Variants in RBFOX1 observed in about 807,000 individuals in gnomAD.
RBFOX1 encodes RNA binding fox-1 homolog 1.
Under a neutral mutation model 57.7 loss-of-function variants are expected in RBFOX1, and 8 were observed. That is an observed-to-expected ratio of 0.14 (90% confidence interval 0.08 to 0.25). The LOEUF is 0.25. Among genes scored for constraint, RBFOX1 ranks in the 10% least tolerant of loss-of-function variants. RBFOX1 has a pLI of 1.00. For synonymous variants in RBFOX1, 326 were observed against 222.4 expected, an observed-to-expected ratio of 1.47 and a Z score of -4.15; for missense variants, 611 against 548.5, an observed-to-expected ratio of 1.11 and a Z score of -1.14.
intron 5 of RBFOX1, among the ~76,000 whole-genome samples, chr16:7,563,765 C>G (rs12925141): frequency 0.88 from 133,164 of 151,932 alleles, 59,384 homozygotes; most frequent in Non-Finnish European, 0.97. Flanking sequence ...ACCGCACCCA[C>G]TCTATTATAT....
At chr16:7,671,601 T>C in intron 13 of RBFOX1, 1 of 1,610,644 alleles carries the variant, frequency 6.2e-7, no homozygotes. Flanking sequence ...TTGCTGCAGG[T>C]ATGAAATCCC....
At chr16:7,249,979 A>C (rs17143026) in intron 4 of RBFOX1, among the ~76,000 whole-genome samples, 1 of 152,178 alleles carries the variant, frequency 6.6e-6, no homozygotes, top group African/African-American at 2.4e-5. Context: ...GAAGAGAAGC[A>C]TTATAAAATC....
At chr16:5,644,415 A>T (rs1010098428) in intron 3 of RBFOX1, among the ~76,000 whole-genome samples, 6 of 152,126 alleles carry the variant, frequency 3.9e-5, no homozygotes, top group African/African-American at 1.4e-4. Flanking sequence ...GGGAAGGAGA[A>T]TTCTCTAAGT....
At chr16:6,852,219 C>T (rs1240870086) in intron 3 of RBFOX1, among the ~76,000 whole-genome samples, 1 of 152,136 alleles carries the variant, frequency 6.6e-6, no homozygotes, top group African/African-American at 2.4e-5. Context: ...GGAGTCTATT[C>T]TTCTAGCTTG....
chr16:6,684,396 A>G (rs2059123171), intron 3 of RBFOX1, among the ~76,000 whole-genome samples: 1 of 152,222 alleles, frequency 6.6e-6, no homozygotes. Flanking sequence ...AGATGTTTTC[A>G]TCTTTTCCCC....
intron 1 of RBFOX1, among the ~76,000 whole-genome samples, chr16:5,260,350 G>A (rs1418234545): frequency 6.6e-6 from 1 of 152,176 alleles, no homozygotes; most frequent in Non-Finnish European, 1.5e-5. Flanking sequence ...TAAGTGAGCA[G>A]CATTCCTTGC....
chr16:5,984,977 T>TATATATA (rs1555462740), intron 4 of RBFOX1, among the ~76,000 whole-genome samples: 16 of 40,572 alleles, frequency 3.9e-4, no homozygotes, highest in African/African-American at 1.6e-3. Flanking sequence ...TATATATATA[T>TATATATA]TTTTTTTTTT....
chr16:7,238,642 G>A (rs1459610506), intron 4 of RBFOX1, among the ~76,000 whole-genome samples: 2 of 151,890 alleles, frequency 1.3e-5, no homozygotes, highest in Admixed American at 6.6e-5. Flanking sequence ...CTCTTTTTTT[G>A]TAACTTTTAT....
At chr16:5,726,260 C>T (rs554253789) in intron 3 of RBFOX1, among the ~76,000 whole-genome samples, 1 of 151,740 alleles carries the variant, frequency 6.6e-6, no homozygotes, top group South Asian at 2.1e-4. Flanking sequence ...TTTATGGGAC[C>T]GTTGTCTCCC....
At chr16:5,652,326 A>C (rs1172055497) in intron 3 of RBFOX1, among the ~76,000 whole-genome samples, 1 of 152,196 alleles carries the variant, frequency 6.6e-6, no homozygotes, top group African/African-American at 2.4e-5. Flanking sequence ...AAGCTCACTA[A>C]GGTTAACTAA....
intron 3 of RBFOX1, among the ~76,000 whole-genome samples, chr16:6,906,182 C>T (rs909932557): frequency 4.0e-5 from 6 of 151,866 alleles, no homozygotes; most frequent in Non-Finnish European, 8.8e-5. Flanking sequence ...GAGAAAACGT[C>T]GAAGCAGATT....
At position 7,686,826 on chromosome 16, in the gene RBFOX1, G is replaced by A. The variant is rs574890282; in HGVS notation, c.995+9988G>A. 5.9e-5 allele frequency among the ~76,000 whole-genome samples: 9 copies of A among 152,202 alleles called. No individual in the cohort carries two copies. In the East Asian group the frequency reaches 7.7e-4, roughly 13 times the overall value. On this transcript the variant is annotated intron_variant, in intron 14 of 15. Coordinates refer to ENST00000550418, the MANE Select transcript of RBFOX1 (RefSeq NM_018723.4). ...TAGACAAGAAGTGCAGTGGGAACTG[G>A]GGAGAATGTTAAATGTTGGAGGAAC...
intron 4 of RBFOX1, among the ~76,000 whole-genome samples, chr16:7,401,638 G>T (rs1213920491): frequency 6.6e-6 from 1 of 152,184 alleles, no homozygotes; most frequent in South Asian, 2.1e-4. Flanking sequence ...TAGCTTCTTT[G>T]AACCCACTTT....
At chr16:7,698,663 T>C (rs1047569374) in intron 14 of RBFOX1, among the ~76,000 whole-genome samples, 12 of 152,212 alleles carry the variant, frequency 7.9e-5, no homozygotes, top group African/African-American at 2.7e-4. Context: ...TTTAGTGATT[T>C]GATTATTCAG....
intron 3 of RBFOX1, among the ~76,000 whole-genome samples, chr16:5,675,199 T>C (rs969387314): frequency 6.6e-6 from 1 of 151,914 alleles, no homozygotes; most frequent in South Asian, 2.1e-4. Flanking sequence ...TACATCCACA[T>C]GCACATGCAT....
chr16:6,355,821 G>A (rs760536502), intron 2 of RBFOX1, among the ~76,000 whole-genome samples: 4 of 151,956 alleles, frequency 2.6e-5, no homozygotes, highest in East Asian at 1.9e-4. Flanking sequence ...TTTAATGTTC[G>A]CCCTTCGTAT....
intron 1 of RBFOX1, among the ~76,000 whole-genome samples, chr16:6,130,062 A>G (rs1392586380): frequency 6.6e-6 from 1 of 152,184 alleles, no homozygotes; most frequent in Non-Finnish European, 1.5e-5. Context: ...TGAGAGCAGA[A>G]GGAAGCTCTG....
intron 3 of RBFOX1, among the ~76,000 whole-genome samples, chr16:7,019,659 C>T (rs961839828): frequency 6.6e-6 from 1 of 152,110 alleles, no homozygotes; most frequent in Non-Finnish European, 1.5e-5. Flanking sequence ...TAGGCCATTA[C>T]TGGGAAAGGT....
chr16:6,263,257 T>C (rs1292170910), intron 1 of RBFOX1, among the ~76,000 whole-genome samples: 1 of 152,200 alleles, frequency 6.6e-6, no homozygotes, highest in Non-Finnish European at 1.5e-5. Context: ...GTAGAAGTTC[T>C]TAGTCACCCC....
Sources: allele counts gnomAD v4.1 joint callset (sites outside exome capture counted in the v4.1 genomes callset), GRCh38; gene constraint gnomAD v4.1.1; transcripts MANE v1.5; gene names NCBI Gene and HGNC (gene_info 2026-07-23, HGNC 2026-07-21).